Variants in ITGA4 observed in about 807,000 individuals in gnomAD.
ITGA4 encodes integrin subunit alpha 4.
In ITGA4, 63 loss-of-function variants were observed where a neutral mutation model predicts 133.6. That is an observed-to-expected ratio of 0.47 (90% CI 0.38 to 0.58). The LOEUF (loss-of-function observed/expected upper bound fraction) is 0.58. Among genes scored for constraint, ITGA4 ranks in the 20% least tolerant of loss-of-function variants. ITGA4 has a pLI of 0.00. For synonymous variants in ITGA4, 483 were observed against 438.0 expected (o/e 1.10, Z -1.28); for missense variants, 1,076 against 1,252.7 (o/e 0.86, Z 2.13).
In ITGA4 at chr2:181,495,871, C is replaced by T; in HGVS notation, c.1474C>T (p.Pro492Ser). 1 of 1,613,966 alleles carries T rather than the reference C, an allele frequency of 6.2e-7. No individual in the cohort carries two copies. Among genetic ancestry groups the T allele is most frequent in the Non-Finnish European group, 8.5e-7 (1 of 1,179,896 alleles). The change falls in exon 14 of 28, where the codon CCT becomes TCT. Residue 492 changes from proline to serine, a missense_variant. This residue lies in a region of ITGA4 where 436 missense variants were observed against 590.7 expected (regional missense o/e 0.74). Coordinates refer to ENST00000397033, the MANE Select transcript of ITGA4 (RefSeq NM_000885.6). The surrounding 1 kb of genome is among the most constrained non-coding windows in gnomAD (Gnocchi z 4.3). ...ATTTGACTGTGTTGAAAATGGATGG[C>T]CTTCTGTGTGCATAGATCTAACACT... is the stretch of plus-strand genomic sequence containing the variant. ...TKFDCVENGW[P>S]SVCIDLTLCF...
At chr2:181,527,922 C>T (rs146760113) in intron 22 of ITGA4, among the ~76,000 whole-genome samples, 1 of 152,208 alleles carries the variant, frequency 6.6e-6, no homozygotes, top group African/African-American at 2.4e-5. Context: ...TATCGTAATT[C>T]AGAAGTATTA....
intron 2 of ITGA4, among the ~76,000 whole-genome samples, chr2:181,464,955 T>TC (rs1491538293): frequency 1.3e-5 from 2 of 152,130 alleles, no homozygotes; most frequent in African/African-American, 4.8e-5. Flanking sequence ...TCATAGAAAA[T>TC]CTTTTTTATA....
Position 181,529,630 on chromosome 2 carries a change from C to T in ITGA4, c.2520C>T (p.Phe840=). The change falls in exon 23 of 28, where the codon TTC becomes TTT. Residue 840 remains phenylalanine (F), a synonymous_variant. Transcript: ENST00000397033. ...TTAGCCCCCAAACTGATAAGCTGTT[C>T]AACATTTTGGATGTCCAGGTAAAAA... ...NSFSPQTDKL[F]NILDVQTTTG... 2 of 1,580,584 alleles carry T rather than the reference C, an allele frequency of 1.3e-6. No individual in the cohort carries two copies. The highest frequency in any genetic ancestry group is 1.7e-6 in the Non-Finnish European group (2 of 1,150,628).
chr2:181,458,341 G>A (rs377469804), intron 2 of ITGA4, 24 bp downstream of exon 2: 59 of 1,605,114 alleles, frequency 3.7e-5, no homozygotes, highest in Non-Finnish European at 4.9e-5. Context: ...GGGACCAGGA[G>A]TTAGTGACCT....
chr2:181,478,643 T>A (rs1487301406), intron 4 of ITGA4, 114 bp from the exon 5 acceptor site: 7 of 454,504 alleles, frequency 1.5e-5, no homozygotes, highest in Admixed American at 4.1e-5. Context: ...TTTTTATTTT[T>A]AAAAAATACA....
In ITGA4 at chr2:181,537,405, A is replaced by G. The variant is rs954362316; in HGVS notation, c.*1878A>G. On this transcript the variant is annotated 3_prime_UTR_variant, in exon 28 of 28. Transcript: ENST00000397033. ...TGGGCTAGATTTTGCCCAGTTCAAA[A>G]TAGTATTTGTTATCAACTTACTTTG... 2 of 450,118 alleles carry G rather than the reference A, an allele frequency of 4.4e-6. No homozygotes were observed. Among genetic ancestry groups the G allele is most frequent in the African/African-American group, 4.0e-5 (2 of 49,808 alleles). The allele number at this position is 450,118 out of a possible 1,614,324, so 27.9% of individuals were successfully genotyped here. A position where few individuals can be genotyped will look rare whatever the true frequency, so the allele number is the denominator to read the frequency against.
intron 26 of ITGA4, among the ~76,000 whole-genome samples, 174 bp from the exon 27 acceptor site, chr2:181,534,642 C>G (rs1687017649): frequency 6.6e-6 from 1 of 152,084 alleles, no homozygotes; most frequent in Non-Finnish European, 1.5e-5. Flanking sequence ...CTCACTGTTT[C>G]TGCTAAACAG....
chr2:181,459,695 T>A (rs1685218874), intron 2 of ITGA4, among the ~76,000 whole-genome samples: 1 of 152,226 alleles, frequency 6.6e-6, no homozygotes, highest in Non-Finnish European at 1.5e-5. Flanking sequence ...TTGCAAAGCA[T>A]AATTTTCATT....
chr2:181,492,437 G>A (rs977443424), intron 10 of ITGA4, among the ~76,000 whole-genome samples: 1 of 152,144 alleles, frequency 6.6e-6, no homozygotes, highest in Non-Finnish European at 1.5e-5. Context: ...ATGGTAATAA[G>A]TAATATCATG....
At chr2:181,514,071 T>C (rs1307888878) in intron 17 of ITGA4, among the ~76,000 whole-genome samples, 1 of 152,142 alleles carries the variant, frequency 6.6e-6, no homozygotes, top group Admixed American at 6.6e-5. Flanking sequence ...GGTAGAGGAA[T>C]TAGCCTTAGT....
Position 181,494,832 on chromosome 2 carries a change from T to C in ITGA4, c.1339+20T>C. ...ATGTAGGTGAGTAATTAGTTTATCA[T>C]AATTTATAAATTGGAATAAGCTCTA... On this transcript the variant is annotated intron_variant, in intron 12 of 27. Transcript: ENST00000397033. The C allele has an allele frequency of 8.0e-7, 1 of 1,252,262 alleles. No homozygotes were observed. The highest frequency in any genetic ancestry group is 1.2e-6 in the Non-Finnish European group (1 of 850,802). The allele number at this position is 1,252,262 out of a possible 1,614,324, so 77.6% of individuals were successfully genotyped here.
intron 25 of ITGA4, among the ~76,000 whole-genome samples, chr2:181,533,496 C>T (rs1423027699): frequency 1.3e-5 from 2 of 152,086 alleles, no homozygotes; most frequent in East Asian, 1.9e-4. Flanking sequence ...GGGGGTTGTC[C>T]TGTGCATTGT....
At chr2:181,476,979 G>A (rs558958056) in intron 4 of ITGA4, among the ~76,000 whole-genome samples, 4 of 152,204 alleles carry the variant, frequency 2.6e-5, no homozygotes, top group African/African-American at 7.2e-5. Context: ...CCTGGTGGTA[G>A]ACGGTGGGAG....
Position 181,524,168 on chromosome 2 carries a change from C to T in ITGA4, c.2170-3C>T, listed in dbSNP as rs751666524. The T allele has an allele frequency of 6.3e-7, 1 of 1,587,766 alleles. No individual in the cohort carries two copies. Among genetic ancestry groups the T allele is most frequent in the South Asian group, 1.2e-5 (1 of 86,806 alleles). On this transcript the variant is annotated splice_polypyrimidine_tract_variant and splice_region_variant and intron_variant, in intron 19 of 27. Coordinates refer to ENST00000397033, the MANE Select transcript of ITGA4 (RefSeq NM_000885.6). ...ATGGGCTTTCCTGGTCTGTGTTTTACAGATAGATATTAGCTTTCTCCTGGA... is the reference window on the plus strand; with the variant it reads ...ATGGGCTTTCCTGGTCTGTGTTTTATAGATAGATATTAGCTTTCTCCTGGA...
At chr2:181,526,396 C>T (rs1313001452) in intron 21 of ITGA4, among the ~76,000 whole-genome samples, 1 of 152,108 alleles carries the variant, frequency 6.6e-6, no homozygotes, top group Non-Finnish European at 1.5e-5. Flanking sequence ...ATATTAGCTG[C>T]CAAATGTGAG....
intron 4 of ITGA4, 56 bp downstream of exon 4, chr2:181,475,344 G>A: frequency 7.2e-7 from 1 of 1,387,950 alleles, no homozygotes; most frequent in South Asian, 1.2e-5. Flanking sequence ...ATACCTTTTA[G>A]TGTTTTAAAT....
chr2:181,483,965 C>A (rs1685860296), intron 9 of ITGA4, among the ~76,000 whole-genome samples: 1 of 152,278 alleles, frequency 6.6e-6, no homozygotes, highest in African/African-American at 2.4e-5. Flanking sequence ...TCATGCCTAC[C>A]CTGAGGCACT....
At chr2:181,514,557 A>G (rs1373589806) in intron 17 of ITGA4, among the ~76,000 whole-genome samples, 1 of 152,096 alleles carries the variant, frequency 6.6e-6, no homozygotes, top group East Asian at 1.9e-4. Context: ...TCTTAGTTGA[A>G]TAACTTATAA....
chr2:181,498,031 A>G (rs1048112589), intron 14 of ITGA4, among the ~76,000 whole-genome samples: 2 of 152,138 alleles, frequency 1.3e-5, no homozygotes, highest in Admixed American at 6.5e-5. Flanking sequence ...CTAGAAACCA[A>G]TAACACACAG....
Sources: gnomAD v4.1 joint callset for allele counts (sites outside exome capture counted in the v4.1 genomes callset) on GRCh38, gnomAD v4.1.1 for gene constraint, gnomAD v4.1.1 regional missense constraint, Gnocchi (gnomAD v3.1) non-coding constraint, MANE v1.5 for transcripts, NCBI Gene and HGNC (gene_info 2026-07-23, HGNC 2026-07-21) for gene names.